The following PPP6R2 variants were observed in gnomAD, a reference collection of about 807,000 sequenced individuals.
PPP6R2 encodes the protein protein phosphatase 6 regulatory subunit 2, also known as serine/threonine-protein phosphatase 6 regulatory subunit 2.
In PPP6R2, 62 loss-of-function variants were observed where a neutral mutation model predicts 100.2. That is an observed-to-expected ratio of 0.62 (90% confidence interval 0.50 to 0.76). The LOEUF (loss-of-function observed/expected upper bound fraction) is 0.76. Ranked by LOEUF, PPP6R2 falls within the 30% of genes least tolerant of loss-of-function variation. The probability of loss-of-function intolerance (pLI) is 0.00; values close to 1 mark genes in which losing one functional copy is unlikely to be tolerated. For synonymous variants in PPP6R2, 525 were observed against 514.7 expected, an observed-to-expected ratio of 1.02 and a Z score of -0.27; for missense variants, 1,142 against 1,276.3, an observed-to-expected ratio of 0.89 and a Z score of 1.60.
chr22:50,439,407 G>A (rs1258443880), intron 19 of PPP6R2, among the ~76,000 whole-genome samples: 1 of 152,174 alleles, frequency 6.6e-6, no homozygotes, highest in Non-Finnish European at 1.5e-5. Flanking sequence ...GGACAGGGCA[G>A]TGGCATCACC....
intron 3 of PPP6R2, 132 bp downstream of exon 3, chr22:50,394,267 A>G: frequency 7.2e-7 from 1 of 1,384,412 alleles, no homozygotes; most frequent in Non-Finnish European, 9.8e-7. Context: ...CCCATGTGAG[A>G]AGTGAGGAGG....
intron 10 of PPP6R2, among the ~76,000 whole-genome samples, chr22:50,428,063 C>T (rs1318334364): frequency 2.0e-5 from 3 of 151,124 alleles, no homozygotes; most frequent in Non-Finnish European, 4.4e-5. Flanking sequence ...CCATGTTGGC[C>T]AGGTTGGTCT....
At chr22:50,362,492 G>A (rs1022696218) in intron 1 of PPP6R2, among the ~76,000 whole-genome samples, 4 of 152,276 alleles carry the variant, frequency 2.6e-5, no homozygotes, top group South Asian at 2.1e-4. Flanking sequence ...AGTCCTTACT[G>A]TGTTCCCGTT....
intron 2 of PPP6R2, among the ~76,000 whole-genome samples, chr22:50,379,860 G>A (rs939118583): frequency 1.3e-5 from 2 of 152,244 alleles, no homozygotes; most frequent in East Asian, 1.9e-4. Flanking sequence ...GTGGCAGACC[G>A]AAACCCTGTC....
At chr22:50,434,902 C>CTGGGTCG (rs2063881160) in intron 12 of PPP6R2, 64 bp from the exon 13 acceptor site, 1 of 1,459,572 alleles carries the variant, frequency 6.9e-7, no homozygotes, top group Admixed American at 2.0e-5. Flanking sequence ...ACTTGGCTCT[C>CTGGGTCG]TGGGTCGTGG....
chr22:50,390,521 T>A (rs560953595), intron 2 of PPP6R2, among the ~76,000 whole-genome samples: 1 of 152,168 alleles, frequency 6.6e-6, no homozygotes, highest in South Asian at 2.1e-4. Flanking sequence ...AGGCCAGGCG[T>A]GGTGGTTCAC....
At position 50,343,343 on chromosome 22, in the gene PPP6R2, G is replaced by C. The variant is rs1601870955; in HGVS notation, c.-355G>C. The C allele has an allele frequency of 1.3e-5, 2 of 150,366 alleles. No individual in the cohort carries two copies. Among genetic ancestry groups the C allele is most frequent in the South Asian group, 1.9e-4 (1 of 5,218 alleles). 9.3% of individuals were successfully genotyped at this position (150,366 alleles called of 1,614,324 possible). On this transcript the variant is annotated 5_prime_UTR_variant, in exon 1 of 24. Transcript: ENST00000612753. The stretch of plus-strand genomic sequence containing the variant: ...TGCGCCGCCGCCGCCATTTTGGAGC[G>C]ATCGGAGTGCCGCCCGCGGCCCCGA...
At chr22:50,416,276 G>T in intron 6 of PPP6R2, 119 bp downstream of exon 6, 1 of 827,520 alleles carries the variant, frequency 1.2e-6, no homozygotes, top group Non-Finnish European at 1.9e-6. Flanking sequence ...GATGAGGATC[G>T]GTTAGGTACT....
At position 50,444,529 on chromosome 22, in the gene PPP6R2, TGGGGG is replaced by T. The variant is rs1569505069; in HGVS notation, c.*283_*287del. On this transcript the variant is annotated 3_prime_UTR_variant, in exon 24 of 24. Coordinates refer to ENST00000612753, the MANE Select transcript of PPP6R2 (RefSeq NM_001242898.2). The stretch of plus-strand genomic sequence containing the variant: ...TAAGGTCGGCCTGCAGGAGCCGGGG[TGGGGG>T]TGGGGGTGGGGGGGGCAGGACCCTG... 8.4e-3 allele frequency: 137 copies of T among 16,402 alleles called. 2 individuals are homozygous for T. The highest frequency in any genetic ancestry group is 0.014 in the Non-Finnish European group (122 of 8,896). 1.0% of individuals were successfully genotyped at this position (16,402 alleles called of 1,614,324 possible).
chr22:50,393,573 C>T (rs765255208), intron 2 of PPP6R2: 19 of 980,842 alleles, frequency 1.9e-5, no homozygotes, highest in Non-Finnish European at 2.2e-5. Context: ...GGGGGTTAGC[C>T]CAGAGGAGAA....
chr22:50,392,208 A>G (rs2055737330), intron 2 of PPP6R2, among the ~76,000 whole-genome samples: 1 of 152,096 alleles, frequency 6.6e-6, no homozygotes, highest in African/African-American at 2.4e-5. Flanking sequence ...CTAGAAGGAA[A>G]ACTGATTGCA....
Position 50,421,340 on chromosome 22 carries a change from GATTATT to G in PPP6R2, c.846-901_846-896del, listed in dbSNP as rs888044990. Among the ~76,000 whole-genome samples the G allele has an allele frequency of 9.9e-5, 15 of 152,078 alleles. No individual in the cohort carries two copies. In the South Asian group the frequency reaches 2.9e-3, roughly 29 times the overall value. The stretch of plus-strand genomic sequence containing the variant: ...CCAGCTGTTTCTCTTAGATTATTGT[GATTATT>G]ATTATTATTATTTTCAGACAGTGTC... On this transcript the variant is annotated intron_variant, in intron 8 of 23. Coordinates refer to ENST00000612753, the MANE Select transcript of PPP6R2 (RefSeq NM_001242898.2).
rs1408473320 is a variant in PPP6R2 at position 50,444,357 on chromosome 22, A to C, written c.*110A>C. 2.2e-6 allele frequency: 3 copies of C among 1,338,742 alleles called. No individual in the cohort carries two copies. In the African/African-American group the frequency reaches 4.5e-5, roughly 20 times the overall value. The allele number at this position is 1,338,742 out of a possible 1,614,324, so 82.9% of individuals were successfully genotyped here. On this transcript the variant is annotated 3_prime_UTR_variant, in exon 24 of 24. Transcript: ENST00000612753. ...TTTTAATTTAATTTAATTTTAAAAT[A>C]AATGCTGCATTGGTAAAGCTGGCAG... is the stretch of plus-strand genomic sequence containing the variant.
chr22:50,389,963 G>A (rs138004881), intron 2 of PPP6R2, among the ~76,000 whole-genome samples: 107 of 151,076 alleles, frequency 7.1e-4, no homozygotes, highest in African/African-American at 2.5e-3. Flanking sequence ...CTTGTTATGC[G>A]GAGATTTTTT....
chr22:50,382,834 A>G (rs7286209), intron 2 of PPP6R2, among the ~76,000 whole-genome samples: 22,924 of 100,646 alleles, frequency 0.23, 2,388 homozygotes, highest in South Asian at 0.39. Context: ...ATTTACAAGC[A>G]AATTTTTTTT....
chr22:50,421,153 C>T (rs540020767), intron 8 of PPP6R2, among the ~76,000 whole-genome samples: 6 of 151,868 alleles, frequency 4.0e-5, no homozygotes, highest in Non-Finnish European at 5.9e-5. Context: ...GTTTATTAAC[C>T]AGAAGTAGTG....
rs1293599883 is a variant in PPP6R2, at chr22:50,438,609, C to T, written c.1975C>T (p.Pro659Ser). 1 of 1,613,812 alleles carries T rather than the reference C, an allele frequency of 6.2e-7. No homozygotes were observed. The highest frequency in any genetic ancestry group is 8.5e-7 in the Non-Finnish European group (1 of 1,179,988). The change falls in exon 19 of 24, where the codon CCC (proline) becomes TCC (serine). Residue 659 changes from proline (P) to serine (S), a missense_variant. Coordinates refer to ENST00000612753, the MANE Select transcript of PPP6R2 (RefSeq NM_001242898.2). Reference sequence around the variant, plus strand: ...CTGAATCTCCCCCAGGTTTGGAGCCCCCCATGCTTCAGAGAGTTGCTCAAA... The same window carrying T: ...CTGAATCTCCCCCAGGTTTGGAGCCTCCCATGCTTCAGAGAGTTGCTCAAA... Reference protein sequence around the residue: ...RVMARPRFGAPHASESCSKNG... With the variant: ...RVMARPRFGASHASESCSKNG...
At chr22:50,440,197 A>G (rs5770920) in intron 21 of PPP6R2, 148 bp downstream of exon 21, 7 of 757,260 alleles carry the variant, frequency 9.2e-6, no homozygotes, top group African/African-American at 1.8e-5. Context: ...TGATACAGCA[A>G]TGGGACTGGA....
At position 50,440,940 on chromosome 22, in the gene PPP6R2, G is replaced by A. The variant is rs773264864; in HGVS notation, c.2493G>A (p.Ala831=). 30 of 1,613,476 alleles carry A rather than the reference G, an allele frequency of 1.9e-5. No homozygotes were observed. The highest frequency in any genetic ancestry group is 1.3e-4 in the East Asian group (6 of 44,884). Reference sequence around the variant, plus strand: ...GCGAGGATGGCGACCAGAAGGCAGCGAGTGCCATGGATGCGGTGAGCAGGG... The same window carrying A: ...GCGAGGATGGCGACCAGAAGGCAGCAAGTGCCATGGATGCGGTGAGCAGGG... ...SHSEDGDQKA[A]SAMDAVSRGP... is the part of the protein sequence containing the mutation. The change falls in exon 22 of 24, where the codon GCG becomes GCA. Residue 831 remains alanine (A), a synonymous_variant. Coordinates refer to ENST00000612753, the MANE Select transcript of PPP6R2 (RefSeq NM_001242898.2).
Sources: gnomAD v4.1 joint callset for allele counts (sites outside exome capture counted in the v4.1 genomes callset) on GRCh38, gnomAD v4.1.1 for gene constraint, MANE v1.5 for transcripts, NCBI Gene and HGNC (gene_info 2026-07-23, HGNC 2026-07-21) for gene names.